ELAVL2: variants seen among roughly 807,000 people sequenced by gnomAD.
The protein encoded by ELAVL2 is ELAV-like protein 2.
A neutral mutation model predicts 34.6 loss-of-function variants in ELAVL2; 4 were observed. The observed-to-expected ratio is 0.12, with a 90% CI of 0.06 to 0.26. The LOEUF (loss-of-function observed/expected upper bound fraction) is 0.26. Ranked by LOEUF, ELAVL2 falls within the 10% of genes least tolerant of loss-of-function variation. The pLI, the probability that ELAVL2 is intolerant of heterozygous loss-of-function variation, is 1.00. For synonymous variants in ELAVL2, 193 were observed against 154.8 expected, an observed-to-expected ratio of 1.25 and a Z score of -1.83; for missense variants, 432 against 442.8, an observed-to-expected ratio of 0.98 and a Z score of 0.22.
At chr9:23,838,264 T>C in the ELAVL2 span, among the ~76,000 whole-genome samples, 1 of 152,060 alleles carries the variant, frequency 6.6e-6, no homozygotes, top group Non-Finnish European at 1.5e-5. Flanking sequence ...ACGCATTCTT[T>C]TTCATAAGTC....
chr9:23,755,767 A>C (rs2053404996), intron 2 of ELAVL2, among the ~76,000 whole-genome samples: 1 of 152,106 alleles, frequency 6.6e-6, no homozygotes, highest in South Asian at 2.1e-4. Flanking sequence ...CCATCTTTCT[A>C]ATTAAATAGC....
At chr9:23,841,325 T>C in the ELAVL2 span, among the ~76,000 whole-genome samples, 2 of 152,136 alleles carry the variant, frequency 1.3e-5, no homozygotes, top group African/African-American at 4.8e-5. Flanking sequence ...ACAGCTTTTA[T>C]AGGCCTTCTT....
chr9:23,741,694 T>C (rs965319765), intron 2 of ELAVL2, among the ~76,000 whole-genome samples: 1 of 152,092 alleles, frequency 6.6e-6, no homozygotes, highest in East Asian at 1.9e-4. Flanking sequence ...GTCAAGATAA[T>C]GCCAATTAGA....
At chr9:23,733,144 T>C (rs1049943616) in intron 2 of ELAVL2, among the ~76,000 whole-genome samples, 3 of 141,780 alleles carry the variant, frequency 2.1e-5, no homozygotes, top group Non-Finnish European at 4.5e-5. Context: ...TTCTCAAACT[T>C]GACTGCAATG....
At chr9:23,820,877 G>A (rs1441883519) in intron 1 of ELAVL2, among the ~76,000 whole-genome samples, 1 of 152,272 alleles carries the variant, frequency 6.6e-6, no homozygotes, top group East Asian at 1.9e-4. Context: ...CACGCCTCGC[G>A]CGCAAACCCG....
intron 2 of ELAVL2, among the ~76,000 whole-genome samples, chr9:23,733,640 C>A (rs1347297072): frequency 6.6e-6 from 1 of 152,142 alleles, no homozygotes; most frequent in African/African-American, 2.4e-5. Flanking sequence ...CTGTCTGGGG[C>A]ACAAGAGTGC....
chr9:23,797,437 T>C (rs1401568501), intron 1 of ELAVL2, among the ~76,000 whole-genome samples: 1 of 152,130 alleles, frequency 6.6e-6, no homozygotes, highest in Non-Finnish European at 1.5e-5. Context: ...ATCTGGTAAA[T>C]CTCATGTATG....
chr9:23,832,390 C>T, the ELAVL2 span: 1 of 151,746 alleles, frequency 6.6e-6, no homozygotes, highest in Non-Finnish European at 1.5e-5. Context: ...TGATTCTTAC[C>T]GCACACTTTA....
chr9:23,850,243 C>G, the ELAVL2 span, among the ~76,000 whole-genome samples: 1 of 150,964 alleles, frequency 6.6e-6, no homozygotes, highest in African/African-American at 2.4e-5. Context: ...CCACCCCCCC[C>G]GCCCCCAGCA....
At chr9:23,734,919 A>G (rs753079755) in intron 2 of ELAVL2, among the ~76,000 whole-genome samples, 12 of 152,014 alleles carry the variant, frequency 7.9e-5, no homozygotes, top group African/African-American at 2.7e-4. Context: ...TCACTTATCC[A>G]TATCATCCAA....
At chr9:23,847,989 T>C in the ELAVL2 span, among the ~76,000 whole-genome samples, 1 of 152,024 alleles carries the variant, frequency 6.6e-6, no homozygotes, top group East Asian at 1.9e-4. Flanking sequence ...AAAATAACTC[T>C]GAATAAAGTT....
chr9:23,830,271 G>C (rs2065456259), upstream of ELAVL2: 1 of 152,170 alleles, frequency 6.6e-6, no homozygotes, highest in South Asian at 2.1e-4. Context: ...CCTTTTACTG[G>C]AAGGTGAGTG....
rs188936505 is a variant in ELAVL2 at position 23,717,691 on chromosome 9, C to G, written c.334-12620G>C. 1.0e-3 allele frequency among the ~76,000 whole-genome samples: 154 copies of G among 152,260 alleles called. No individual in the cohort carries two copies. The Middle Eastern group carries it at 0.014, about 13-fold the overall frequency. The stretch of plus-strand genomic sequence containing the variant: ...AGACAGCAAGTGGCATATCCATTTT[C>G]ATTGTATTCTGCACTTACTCATCAT... On this transcript the variant is annotated intron_variant, in intron 3 of 6. Transcript: ENST00000397312.
intron 2 of ELAVL2, among the ~76,000 whole-genome samples, chr9:23,735,081 C>T (rs1587885849): frequency 2.0e-5 from 1 of 49,378 alleles, no homozygotes; most frequent in Non-Finnish European, 3.8e-5. Context: ...CTATTCTGAC[C>T]AAAATGACAA....
chr9:23,810,040 C>A (rs2062771878), intron 1 of ELAVL2, among the ~76,000 whole-genome samples: 1 of 151,868 alleles, frequency 6.6e-6, no homozygotes, highest in South Asian at 2.1e-4. Context: ...CATTTTTTTT[C>A]ATAAACTTAA....
chr9:23,817,474 A>G (rs182052462), intron 1 of ELAVL2, among the ~76,000 whole-genome samples: 1 of 152,194 alleles, frequency 6.6e-6, no homozygotes, highest in Non-Finnish European at 1.5e-5. Flanking sequence ...CAGTTCACGC[A>G]TTGAGAGCCT....
At chr9:23,712,981 C>A (rs186478780) in intron 3 of ELAVL2, among the ~76,000 whole-genome samples, 1 of 152,288 alleles carries the variant, frequency 6.6e-6, no homozygotes, top group East Asian at 1.9e-4. Context: ...ACCTTTTTCA[C>A]ACATCTTAAA....
At chr9:23,716,031 T>C (rs1468144476) in intron 3 of ELAVL2, among the ~76,000 whole-genome samples, 3 of 152,126 alleles carry the variant, frequency 2.0e-5, no homozygotes, top group Admixed American at 6.6e-5. Context: ...GGACATTATG[T>C]AGAAAATCTC....
chr9:23,847,491 CATT>C, the ELAVL2 span: 1 of 152,038 alleles, frequency 6.6e-6, no homozygotes, highest in African/African-American at 2.4e-5. Context: ...TGCTTATGAA[CATT>C]ATAAGCTTTC....
Sources: gnomAD v4.1 joint callset for allele counts (sites outside exome capture counted in the v4.1 genomes callset) on GRCh38, gnomAD v4.1.1 for gene constraint, MANE v1.5 for transcripts, NCBI Gene and HGNC (gene_info 2026-07-23, HGNC 2026-07-21) for gene names.